SCGB2A2: variants seen among roughly 807,000 people sequenced by gnomAD.
The protein encoded by SCGB2A2 is secretoglobin family 2A member 2.
A neutral mutation model predicts 8.8 loss-of-function variants in SCGB2A2; 11 were observed. The observed-to-expected ratio is 1.25, with a 90% CI of 0.79 to 2.07. SCGB2A2 has a LOEUF of 2.07. SCGB2A2 is among the 30% of genes most tolerant of loss of function. The pLI, the probability that SCGB2A2 is intolerant of heterozygous loss-of-function variation, is 0.00. For missense variants in SCGB2A2, 113 were observed against 109.9 expected (o/e 1.03, Z -0.13); for synonymous variants, 42 against 40.9 (o/e 1.03, Z -0.10).
intron 2 of SCGB2A2, 54 bp from the exon 3 acceptor site, chr11:62,272,903 A>T: frequency 7.5e-7 from 1 of 1,330,582 alleles, no homozygotes; most frequent in Admixed American, 2.0e-5. Context: ...TCAAGATTTT[A>T]TTTTGTTAGA....
intron 2 of SCGB2A2, among the ~76,000 whole-genome samples, chr11:62,272,338 G>C (rs1250361251): frequency 1.3e-5 from 2 of 151,844 alleles, no homozygotes; most frequent in Non-Finnish European, 2.9e-5. Flanking sequence ...AGTTTCAGTT[G>C]TGCAAAACAG....
chr11:62,271,164 A>G, intron 2 of SCGB2A2, 96 bp downstream of exon 2: 1 of 1,605,000 alleles, frequency 6.2e-7, no homozygotes, highest in Non-Finnish European at 8.5e-7. Flanking sequence ...CCACTAGTGA[A>G]CAAGCCTTTT....
chr11:62,271,570 A>G lies in SCGB2A2; in HGVS notation c.243+502A>G, dbSNP rs1046350100. 3 of 1,067,070 alleles carry G rather than the reference A, an allele frequency of 2.8e-6. No individual in the cohort carries two copies. In the African/African-American group the frequency reaches 4.9e-5, roughly 18 times the overall value. 66.1% of individuals were successfully genotyped at this position (1,067,070 alleles called of 1,614,324 possible). ...ACACAAACACAAACACACAGACAGA[A>G]CCACACAACCACAGAAACACAGAGA... On this transcript the variant is annotated intron_variant, in intron 2 of 2. Transcript: ENST00000227918.
At chr11:62,271,428 CAG>C in intron 2 of SCGB2A2, 1 of 1,391,522 alleles carries the variant, frequency 7.2e-7, no homozygotes, top group Non-Finnish European at 9.3e-7. Flanking sequence ...TGCAAACACA[CAG>C]ACACAGTCAC....
chr11:62,271,642 C>A, intron 2 of SCGB2A2: 3 of 997,712 alleles, frequency 3.0e-6, no homozygotes, highest in Non-Finnish European at 3.6e-6. Context: ...TATGTTCACT[C>A]TCTACAGAAA....
intron 1 of SCGB2A2, 87 bp downstream of exon 1, chr11:62,270,358 C>G (rs936964901): frequency 3.3e-6 from 4 of 1,223,498 alleles, no homozygotes; most frequent in Non-Finnish European, 4.8e-6. Context: ...CAATTCTCAG[C>G]AGAGATCAGC....
intron 2 of SCGB2A2, 42 bp downstream of exon 2, chr11:62,271,110 C>G: frequency 6.2e-7 from 1 of 1,613,092 alleles, no homozygotes; most frequent in Non-Finnish European, 8.5e-7. Flanking sequence ...AATCCCCTGA[C>G]CAGGGACAAG....
In SCGB2A2 at chr11:62,271,565, A is replaced by G. The variant is rs576423476; in HGVS notation, c.243+497A>G. Reference sequence around the variant, plus strand: ...TCCAGACACAAACACAAACACACAGACAGAACCACACAACCACAGAAACAC... The same window carrying G: ...TCCAGACACAAACACAAACACACAGGCAGAACCACACAACCACAGAAACAC... On this transcript the variant is annotated intron_variant, in intron 2 of 2. Coordinates refer to ENST00000227918, the MANE Select transcript of SCGB2A2 (RefSeq NM_002411.4). The G allele has an allele frequency of 2.5e-5, 27 of 1,077,120 alleles. No individual in the cohort carries two copies. In the East Asian group the frequency reaches 1.6e-3, roughly 64 times the overall value. 66.7% of individuals were successfully genotyped at this position (1,077,120 alleles called of 1,614,324 possible).
chr11:62,270,906 T>C lies in SCGB2A2; in HGVS notation c.81T>C (p.Asn27=). 1.9e-6 allele frequency: 3 copies of C among 1,614,076 alleles called. No individual in the cohort carries two copies. Among genetic ancestry groups the C allele is most frequent in the Non-Finnish European group, 2.5e-6 (3 of 1,179,942 alleles). The part of the protein sequence containing the change: ...YAGSGCPLLE[N]VISKTINPQV... ...GCTCTGGCTGCCCCTTATTGGAGAA[T>C]GTGATTTCCAAGACAATCAATCCAC... The change falls in exon 2 of 3, where the codon AAT becomes AAC. Residue 27 remains asparagine (N), a synonymous_variant. Transcript: ENST00000227918.
In SCGB2A2 at chr11:62,270,922, A is replaced by G. The variant is rs927936896; in HGVS notation, c.97A>G (p.Ile33Val). The change falls in exon 2 of 3, where the codon ATC becomes GTC. Residue 33 changes from isoleucine to valine, a missense_variant. Transcript: ENST00000227918. ...ATTGGAGAATGTGATTTCCAAGACAATCAATCCACAAGTGTCTAAGACTGA... is the reference window on the plus strand; with the variant it reads ...ATTGGAGAATGTGATTTCCAAGACAGTCAATCCACAAGTGTCTAAGACTGA... ...PLLENVISKTINPQVSKTEYK... is the reference protein window; with the variant it reads ...PLLENVISKTVNPQVSKTEYK... 1.2e-6 allele frequency: 2 copies of G among 1,614,146 alleles called. No individual in the cohort carries two copies. Among genetic ancestry groups the G allele is most frequent in the East Asian group, 2.2e-5 (1 of 44,876 alleles).
chr11:62,270,340 C>T (rs1945267469), intron 1 of SCGB2A2, 69 bp downstream of exon 1: 38 of 1,384,034 alleles, frequency 2.7e-5, no homozygotes, highest in Non-Finnish European at 3.8e-5. Context: ...GGAAGAACTC[C>T]TGCTCCCCAA....
intron 2 of SCGB2A2, 130 bp from the exon 3 acceptor site, chr11:62,272,827 A>G: frequency 3.6e-6 from 2 of 559,514 alleles, no homozygotes; most frequent in Non-Finnish European, 6.2e-6. Context: ...TTCTACTTCC[A>G]GCCCTAACCG....
chr11:62,271,414 C>T (rs1945278215), intron 2 of SCGB2A2: 1 of 1,407,340 alleles, frequency 7.1e-7, no homozygotes, highest in Non-Finnish European at 9.2e-7. Flanking sequence ...CACATCCAGA[C>T]ACATGCAAAC....
At chr11:62,271,247 TG>T in intron 2 of SCGB2A2, 179 bp downstream of exon 2, 1 of 1,491,458 alleles carries the variant, frequency 6.7e-7, no homozygotes. Flanking sequence ...AGTGTCCCTG[TG>T]TTGTCACTCT....
At chr11:62,271,554 C>A in intron 2 of SCGB2A2, 1 of 1,102,378 alleles carries the variant, frequency 9.1e-7, no homozygotes, top group Non-Finnish European at 1.1e-6. Context: ...GACACAAACA[C>A]AAACACACAG....
In SCGB2A2 at chr11:62,270,288, G is replaced by A; in HGVS notation, c.55+17G>A. On this transcript the variant is annotated intron_variant, in intron 1 of 2. Transcript: ENST00000227918. The stretch of plus-strand genomic sequence containing the variant: ...GCTACGCAGGTGAGTTCTGTGCAGG[G>A]AGGGCTGCCTCGGGGTTAGGGGTTG... The A allele has an allele frequency of 2.5e-6, 4 of 1,612,738 alleles. No individual in the cohort carries two copies. Among genetic ancestry groups the A allele is most frequent in the East Asian group, 2.2e-5 (1 of 44,852 alleles).
chr11:62,271,054 G>A lies in SCGB2A2; in HGVS notation c.229G>A (p.Val77Ile). ...CCAAACGGATGAAACTCTGAGCAAT[G>A]TTGAGGTGTTTATGGTAATTTCATT... The part of the protein sequence containing the change: ...LNQTDETLSN[V>I]EVFMQLIYDS... Residue 77 changes from valine to isoleucine, a missense_variant, in exon 2 of 3, where the codon GTT (valine) becomes ATT (isoleucine). Physicochemically the swap from Val to Ile is conservative, Grantham distance 29. Transcript: ENST00000227918. The A allele has an allele frequency of 3.1e-6, 5 of 1,614,234 alleles. No homozygotes were observed. In the South Asian group the frequency reaches 4.4e-5, roughly 14 times the overall value.
intron 2 of SCGB2A2, chr11:62,271,345 T>G: frequency 1.4e-6 from 2 of 1,437,038 alleles, no homozygotes; most frequent in South Asian, 1.5e-5. Context: ...TCCCCAGAGC[T>G]CTCTAATTCA....
chr11:62,271,480 T>C, intron 2 of SCGB2A2: 2 of 1,280,714 alleles, frequency 1.6e-6, no homozygotes, highest in Non-Finnish European at 2.0e-6. Context: ...TACACAAACA[T>C]AGACAGACAG....
Sources: allele counts gnomAD v4.1 joint callset (sites outside exome capture counted in the v4.1 genomes callset), GRCh38; gene constraint gnomAD v4.1.1; transcripts MANE v1.5; gene names NCBI Gene and HGNC (gene_info 2026-07-23, HGNC 2026-07-21).